LRP1B: variants seen among roughly 807,000 people sequenced by gnomAD.
The protein encoded by LRP1B is LDL receptor related protein 1B.
Under a neutral mutation model 556.6 loss-of-function variants are expected in LRP1B, and 217 were observed. The ratio of observed to expected loss-of-function variants is 0.39; its 90% CI spans 0.35 to 0.44. The LOEUF is 0.44. Among genes scored for constraint, LRP1B ranks in the 20% least tolerant of loss-of-function variants. The pLI, the probability that LRP1B is intolerant of heterozygous loss-of-function variation, is 1.00. For missense variants in LRP1B, 5,053 were observed against 5,620.8 expected, an observed-to-expected ratio of 0.90 and a Z score of 3.23; for synonymous variants, 2,047 against 1,865.8, an observed-to-expected ratio of 1.10 and a Z score of -2.50.
At position 140,231,469 on chromosome 2, in the gene LRP1B, ATAAAG is replaced by A. The variant is rs1680466176; in HGVS notation, c.*1712_*1716del. On this transcript the variant is annotated 3_prime_UTR_variant, in exon 91 of 91. Transcript: ENST00000389484. ...TAAATAAGTCAGTCAACAATTTTTT[ATAAAG>A]TATTTAACACTTCATTGTAGAAACA... The A allele has an allele frequency of 2.0e-5, 3 of 151,850 alleles. No individual in the cohort carries two copies. The highest frequency in any genetic ancestry group is 1.5e-5 in the Non-Finnish European group (1 of 67,584). 9.4% of individuals were successfully genotyped at this position (151,850 alleles called of 1,614,324 possible).
intron 2 of LRP1B, among the ~76,000 whole-genome samples, chr2:141,651,698 A>G (rs1287090755): frequency 2.0e-5 from 3 of 152,166 alleles, no homozygotes; most frequent in African/African-American, 7.2e-5. Context: ...TGCATGAGAC[A>G]TATTAAACTT....
chr2:141,418,047 AT>A (rs1310618970), intron 3 of LRP1B, among the ~76,000 whole-genome samples: 3 of 152,178 alleles, frequency 2.0e-5, no homozygotes, highest in African/African-American at 7.2e-5. Context: ...AGATGAAGAA[AT>A]GCCTATGCAA....
At chr2:142,068,872 T>A (rs1168615897) in intron 1 of LRP1B, among the ~76,000 whole-genome samples, 1 of 151,716 alleles carries the variant, frequency 6.6e-6, no homozygotes, top group African/African-American at 2.4e-5. Flanking sequence ...TTTAAATTGT[T>A]ATTTCATCAA....
chr2:141,206,282 C>G (rs1682277240), intron 6 of LRP1B, among the ~76,000 whole-genome samples: 1 of 152,012 alleles, frequency 6.6e-6, no homozygotes. Flanking sequence ...GGGTAAGGAA[C>G]TTCTATTAAG....
intron 41 of LRP1B, among the ~76,000 whole-genome samples, chr2:140,687,188 T>C (rs1274144030): frequency 5.3e-5 from 8 of 152,224 alleles, no homozygotes; most frequent in Non-Finnish European, 1.2e-4. Context: ...AGGAAGACCA[T>C]TGGGCTTAAA....
chr2:141,645,872 C>A (rs959260936), intron 2 of LRP1B, among the ~76,000 whole-genome samples: 1 of 151,922 alleles, frequency 6.6e-6, no homozygotes, highest in African/African-American at 2.4e-5. Context: ...TACAAGCCAG[C>A]TTTTTACTTG....
intron 2 of LRP1B, among the ~76,000 whole-genome samples, chr2:141,543,545 C>G (rs1052883506): frequency 7.1e-6 from 1 of 141,010 alleles, no homozygotes; most frequent in Non-Finnish European, 1.5e-5. Flanking sequence ...AAAAGTTACA[C>G]CATATAATTT....
intron 2 of LRP1B, among the ~76,000 whole-genome samples, chr2:141,780,108 T>C (rs1695203999): frequency 6.6e-6 from 1 of 150,578 alleles, no homozygotes; most frequent in Admixed American, 6.7e-5. Context: ...AAATGCAATG[T>C]AATGAAAACA....
rs1352929635 is a variant in LRP1B at position 141,291,883 on chromosome 2, A to T, written c.344-37242T>A. 1.8e-3 allele frequency among the ~76,000 whole-genome samples: 242 copies of T among 131,232 alleles called. 3 individuals are homozygous for T. Among genetic ancestry groups the T allele is most frequent in the African/African-American group, 6.3e-3 (225 of 35,620 alleles). The allele number at this position is 131,232 out of a possible 152,430, so 86.1% of individuals were successfully genotyped here. On this transcript the variant is annotated intron_variant, in intron 3 of 90. Transcript: ENST00000389484. ...AAAAAAAAAAAAAAAAAAAAAAAAAAAAAAAAACTTGTTTGGGGTTACAAA... is the reference window on the plus strand; with the variant it reads ...AAAAAAAAAAAAAAAAAAAAAAAAATAAAAAAACTTGTTTGGGGTTACAAA...
intron 2 of LRP1B, among the ~76,000 whole-genome samples, chr2:141,569,857 G>A (rs1245986032): frequency 6.6e-6 from 1 of 151,186 alleles, no homozygotes. Context: ...AAGAAAGCAA[G>A]TGAGAAAAAT....
chr2:141,257,762 C>T (rs187724304), intron 3 of LRP1B, among the ~76,000 whole-genome samples: 4 of 152,184 alleles, frequency 2.6e-5, no homozygotes, highest in African/African-American at 9.6e-5. Flanking sequence ...ATTGATTCTG[C>T]TAACAGATCG....
At chr2:141,152,690 A>G (rs1361743409) in intron 7 of LRP1B, among the ~76,000 whole-genome samples, 1 of 151,868 alleles carries the variant, frequency 6.6e-6, no homozygotes, top group Non-Finnish European at 1.5e-5. Flanking sequence ...TAATAATAGC[A>G]TATATTATTA....
chr2:142,127,809 C>T (rs1486923213), intron 1 of LRP1B, among the ~76,000 whole-genome samples: 2 of 152,032 alleles, frequency 1.3e-5, no homozygotes, highest in African/African-American at 4.8e-5. Context: ...TTGTATCATA[C>T]TCGAGAATTT....
Position 141,342,407 on chromosome 2 carries a change from C to T in LRP1B, c.344-87766G>A, listed in dbSNP as rs571541155. On this transcript the variant is annotated intron_variant, in intron 3 of 90. Coordinates refer to ENST00000389484, the MANE Select transcript of LRP1B (RefSeq NM_018557.3). ...GCAATCTTCAGAATCAGTGTCAATACATTATGGCCAAAAGGTAATTCACTA... is the reference window on the plus strand; with the variant it reads ...GCAATCTTCAGAATCAGTGTCAATATATTATGGCCAAAAGGTAATTCACTA... Among the ~76,000 whole-genome samples the T allele has an allele frequency of 7.9e-5, 12 of 151,922 alleles. 1 individual carries two copies. In the South Asian group the frequency reaches 2.5e-3, roughly 31 times the overall value.
At chr2:141,320,711 G>A (rs1156307486) in intron 3 of LRP1B, among the ~76,000 whole-genome samples, 1 of 152,086 alleles carries the variant, frequency 6.6e-6, no homozygotes, top group Non-Finnish European at 1.5e-5. Context: ...TTGCAGCAGA[G>A]AAAGTTAAGA....
intron 1 of LRP1B, among the ~76,000 whole-genome samples, chr2:141,816,212 T>C (rs1696541252): frequency 6.6e-6 from 1 of 152,148 alleles, no homozygotes; most frequent in African/African-American, 2.4e-5. Context: ...TTGATTGCAT[T>C]GAAGGATGCA....
intron 2 of LRP1B, among the ~76,000 whole-genome samples, chr2:141,784,174 A>G (rs1695351231): frequency 6.6e-6 from 1 of 152,026 alleles, no homozygotes; most frequent in Admixed American, 6.6e-5. Flanking sequence ...AACAAATAAC[A>G]ATATAACTAA....
chr2:141,872,691 T>A (rs1698627362), intron 1 of LRP1B, among the ~76,000 whole-genome samples: 1 of 151,604 alleles, frequency 6.6e-6, no homozygotes, highest in Non-Finnish European at 1.5e-5. Context: ...ACAATTATAT[T>A]GTAAAAATAA....
chr2:141,613,496 T>C (rs1444666473), intron 2 of LRP1B, among the ~76,000 whole-genome samples: 4 of 152,176 alleles, frequency 2.6e-5, no homozygotes, highest in Non-Finnish European at 2.9e-5. Flanking sequence ...ATTTGAGATA[T>C]AGATTTTGAT....
Sources: gnomAD v4.1 joint callset for allele counts (sites outside exome capture counted in the v4.1 genomes callset) on GRCh38, gnomAD v4.1.1 for gene constraint, MANE v1.5 for transcripts, NCBI Gene and HGNC (gene_info 2026-07-23, HGNC 2026-07-21) for gene names.